Variants in ATP8A1 observed in about 807,000 individuals in gnomAD.
ATP8A1 encodes the protein phospholipid-transporting ATPase IA.
A neutral mutation model predicts 177.7 loss-of-function variants in ATP8A1; 90 were observed. The ratio of observed to expected loss-of-function variants is 0.51; its 90% CI spans 0.43 to 0.60. ATP8A1 has a LOEUF of 0.60. Ranked by LOEUF, ATP8A1 falls within the 20% of genes least tolerant of loss-of-function variation. The probability of loss-of-function intolerance (pLI) is 0.00; values close to 1 mark genes in which losing one functional copy is unlikely to be tolerated. For synonymous variants in ATP8A1, 493 were observed against 485.9 expected (o/e 1.01, Z -0.19); for missense variants, 1,072 against 1,392.8 (o/e 0.77, Z 3.67).
chr4:42,454,747 G>A (rs1352695847), intron 29 of ATP8A1, among the ~76,000 whole-genome samples: 1 of 152,082 alleles, frequency 6.6e-6, no homozygotes, highest in Non-Finnish European at 1.5e-5. Context: ...ATTTTATCTT[G>A]TATTTTTAAT....
chr4:42,517,170 G>A (rs929718534), intron 22 of ATP8A1, among the ~76,000 whole-genome samples: 3 of 151,646 alleles, frequency 2.0e-5, no homozygotes, highest in African/African-American at 4.8e-5. Context: ...GTGTGGTGGC[G>A]GGCGCCTGTA....
At chr4:42,561,996 C>T (rs1229650559) in intron 15 of ATP8A1, 6 of 152,014 alleles carry the variant, frequency 3.9e-5, no homozygotes, top group Admixed American at 3.9e-4. Flanking sequence ...CTCTTGGAGC[C>T]CTCATCTTTC....
intron 5 of ATP8A1, among the ~76,000 whole-genome samples, chr4:42,612,200 C>T (rs934380305): frequency 6.6e-6 from 1 of 151,992 alleles, no homozygotes; most frequent in African/African-American, 2.4e-5. Context: ...TCATCTTATT[C>T]GCACTCCAGA....
chr4:42,627,811 G>A (rs1341030359), intron 1 of ATP8A1, among the ~76,000 whole-genome samples: 3 of 152,160 alleles, frequency 2.0e-5, no homozygotes, highest in Non-Finnish European at 4.4e-5. Flanking sequence ...GTGTCTTCTA[G>A]TGAAAAATCA....
chr4:42,457,141 C>T (rs765254592), intron 27 of ATP8A1, among the ~76,000 whole-genome samples: 11 of 152,190 alleles, frequency 7.2e-5, no homozygotes, highest in Non-Finnish European at 1.3e-4. Context: ...CTTTGCTACA[C>T]ATATTTATGG....
In ATP8A1 at chr4:42,579,124, T is replaced by C. The variant is rs550667985; in HGVS notation, c.1000+689A>G. On this transcript the variant is annotated intron_variant, in intron 11 of 36. Transcript: ENST00000381668. ...TGGCTAAGTACTCATGAAATGAAAA[T>C]GTAAACTCATTTGACAGAAATATCC... 2.9e-3 allele frequency among the ~76,000 whole-genome samples: 444 copies of C among 152,012 alleles called. 2 individuals carry two copies. The highest frequency in any genetic ancestry group is 0.01 in the African/African-American group (423 of 41,548).
chr4:42,629,526 A>G (rs1408341999), intron 1 of ATP8A1, among the ~76,000 whole-genome samples: 1 of 152,098 alleles, frequency 6.6e-6, no homozygotes, highest in African/African-American at 2.4e-5. Flanking sequence ...GCTGGTAGGC[A>G]CCTCTCCCCT....
chr4:42,601,620 A>G (rs951194609), intron 5 of ATP8A1, among the ~76,000 whole-genome samples: 5 of 152,210 alleles, frequency 3.3e-5, no homozygotes, highest in African/African-American at 9.6e-5. Context: ...GTACTTAGGG[A>G]GAGAAATATG....
At chr4:42,413,097 C>G in intron 36 of ATP8A1, 84 bp from the exon 37 acceptor site, 1 of 1,108,594 alleles carries the variant, frequency 9.0e-7, no homozygotes, top group Non-Finnish European at 1.3e-6. Context: ...CATTTTCTAG[C>G]CTGGGGAACA....
At chr4:42,609,622 G>A (rs939431889) in intron 5 of ATP8A1, among the ~76,000 whole-genome samples, 1 of 152,166 alleles carries the variant, frequency 6.6e-6, no homozygotes, top group African/African-American at 2.4e-5. Flanking sequence ...TTTAGTGGGT[G>A]TCTCAGTCCT....
chr4:42,430,559 T>C (rs1015888391), intron 33 of ATP8A1, among the ~76,000 whole-genome samples: 26 of 151,164 alleles, frequency 1.7e-4, no homozygotes, highest in African/African-American at 6.3e-4. Flanking sequence ...GTCATGGGGG[T>C]TTGACATGCA....
intron 1 of ATP8A1, among the ~76,000 whole-genome samples, chr4:42,647,472 A>G (rs576721963): frequency 6.6e-6 from 1 of 152,084 alleles, no homozygotes; most frequent in Non-Finnish European, 1.5e-5. Flanking sequence ...ACCACTCATA[A>G]ATTTTTATAA....
intron 27 of ATP8A1, among the ~76,000 whole-genome samples, chr4:42,462,531 G>T (rs1045838986): frequency 7.9e-5 from 12 of 152,258 alleles, no homozygotes; most frequent in African/African-American, 2.7e-4. Flanking sequence ...GGGAACCTCT[G>T]CCTAGATTTC....
At chr4:42,567,242 TA>T (rs1247046081) in intron 15 of ATP8A1, among the ~76,000 whole-genome samples, 3 of 152,186 alleles carry the variant, frequency 2.0e-5, no homozygotes, top group Non-Finnish European at 4.4e-5. Context: ...AGTATATATT[TA>T]AAATAAAGCT....
intron 25 of ATP8A1, among the ~76,000 whole-genome samples, chr4:42,472,590 A>T (rs976050090): frequency 6.6e-6 from 1 of 152,024 alleles, no homozygotes; most frequent in Non-Finnish European, 1.5e-5. Context: ...AAATACAAAA[A>T]AAAATTAGCT....
chr4:42,608,073 T>C (rs1735983723), intron 5 of ATP8A1, among the ~76,000 whole-genome samples: 1 of 152,240 alleles, frequency 6.6e-6, no homozygotes, highest in Non-Finnish European at 1.5e-5. Flanking sequence ...AAATGTAACT[T>C]GTTTTTATTC....
intron 20 of ATP8A1, among the ~76,000 whole-genome samples, chr4:42,525,090 A>G (rs1726548768): frequency 6.6e-6 from 1 of 152,166 alleles, no homozygotes. Context: ...CCATGTTCAT[A>G]TCTCATATTC....
chr4:42,572,059 G>A (rs143066996), intron 14 of ATP8A1, among the ~76,000 whole-genome samples: 26 of 152,246 alleles, frequency 1.7e-4, no homozygotes, highest in Non-Finnish European at 1.8e-4. Context: ...GTGAAACTGA[G>A]CTGTACCTGA....
At chr4:42,436,030 A>G (rs1164641764) in intron 33 of ATP8A1, among the ~76,000 whole-genome samples, 1 of 152,182 alleles carries the variant, frequency 6.6e-6, no homozygotes, top group Non-Finnish European at 1.5e-5. Context: ...GTATTGAGGA[A>G]CAGTGCCTGG....
Sources: allele counts gnomAD v4.1 joint callset (sites outside exome capture counted in the v4.1 genomes callset), GRCh38; gene constraint gnomAD v4.1.1; transcripts MANE v1.5; gene names NCBI Gene and HGNC (gene_info 2026-07-23, HGNC 2026-07-21).